SLC4A4: variants seen among roughly 807,000 people sequenced by gnomAD.
The protein encoded by SLC4A4 is electrogenic sodium bicarbonate cotransporter 1.
A neutral mutation model predicts 111.5 loss-of-function variants in SLC4A4; 27 were observed. That is an observed-to-expected ratio of 0.24 (90% CI 0.18 to 0.33). The LOEUF is 0.33. Ranked by LOEUF, SLC4A4 falls within the 10% of genes least tolerant of loss-of-function variation. The probability of loss-of-function intolerance (pLI) is 1.00; values close to 1 mark genes in which losing one functional copy is unlikely to be tolerated. For synonymous variants in SLC4A4, 443 were observed against 463.4 expected, an observed-to-expected ratio of 0.96 and a Z score of 0.57; for missense variants, 909 against 1,315.5, an observed-to-expected ratio of 0.69 and a Z score of 4.78.
At chr4:71,192,190 C>T (rs1336891875) in intron 1 of SLC4A4, among the ~76,000 whole-genome samples, 1 of 151,678 alleles carries the variant, frequency 6.6e-6, no homozygotes, top group African/African-American at 2.4e-5. Context: ...ATATGGACTT[C>T]TATGTTAGTT....
intron 19 of SLC4A4, 25 bp from the exon 20 acceptor site, chr4:71,547,623 T>C (rs1247989153): frequency 6.3e-7 from 1 of 1,586,550 alleles, no homozygotes; most frequent in Admixed American, 1.7e-5. Context: ...AGAGGTAGAT[T>C]GGTAATCTTT....
At chr4:71,386,227 T>C (rs754409288) in intron 6 of SLC4A4, among the ~76,000 whole-genome samples, 2 of 152,124 alleles carry the variant, frequency 1.3e-5, no homozygotes, top group African/African-American at 2.4e-5. Flanking sequence ...TGGATTTTTA[T>C]TTTCATCCTT....
chr4:71,176,667 T>A (rs1421528949), intron 2 of SLC4A4, among the ~76,000 whole-genome samples: 2 of 152,120 alleles, frequency 1.3e-5, no homozygotes, highest in South Asian at 4.2e-4. Context: ...CTCCAAGAAA[T>A]ATGGGACTAT....
intron 1 of SLC4A4, among the ~76,000 whole-genome samples, chr4:71,090,551 G>A (rs1437807193): frequency 6.6e-6 from 1 of 152,200 alleles, no homozygotes; most frequent in Non-Finnish European, 1.5e-5. Context: ...GGGAGTGAGA[G>A]GCTATCAGTT....
chr4:71,231,363 G>A (rs2149032297), intron 1 of SLC4A4, among the ~76,000 whole-genome samples: 1 of 152,320 alleles, frequency 6.6e-6, no homozygotes, highest in South Asian at 2.1e-4. Flanking sequence ...ATGGCTGACA[G>A]TTTTGCACAA....
intron 7 of SLC4A4, among the ~76,000 whole-genome samples, chr4:71,431,067 C>T (rs908892454): frequency 3.9e-5 from 6 of 152,062 alleles, no homozygotes; most frequent in African/African-American, 1.2e-4. Flanking sequence ...ATTTATTGAA[C>T]GTTTTTCCTC....
intron 2 of SLC4A4, among the ~76,000 whole-genome samples, chr4:71,108,743 C>T (rs1743010558): frequency 6.6e-6 from 1 of 152,106 alleles, no homozygotes; most frequent in Non-Finnish European, 1.5e-5. Flanking sequence ...CCCTTTCTCT[C>T]TCTCTCTTCT....
intron 7 of SLC4A4, among the ~76,000 whole-genome samples, chr4:71,421,419 C>G (rs1722488689): frequency 1.3e-5 from 2 of 152,188 alleles, no homozygotes; most frequent in South Asian, 4.1e-4. Context: ...CAACATTAGA[C>G]AGATCATCGA....
intron 7 of SLC4A4, chr4:71,437,800 C>A: frequency 3.7e-6 from 1 of 267,484 alleles, no homozygotes; most frequent in Non-Finnish European, 7.4e-6. Flanking sequence ...AGTGAAGGTC[C>A]AGCCGCCCCT....
chr4:71,363,661 G>T (rs1273401837), intron 6 of SLC4A4, among the ~76,000 whole-genome samples: 4 of 152,170 alleles, frequency 2.6e-5, no homozygotes, highest in African/African-American at 9.7e-5. Context: ...ATCACCTGAA[G>T]GTTAGAATCC....
At chr4:71,116,771 C>T (rs1378422301) in intron 2 of SLC4A4, among the ~76,000 whole-genome samples, 1 of 152,220 alleles carries the variant, frequency 6.6e-6, no homozygotes, top group East Asian at 1.9e-4. Flanking sequence ...TGGAGAAATC[C>T]TGTCTCTACA....
Position 71,396,080 on chromosome 4 carries a change from T to C in SLC4A4, c.731-1497T>C, listed in dbSNP as rs372004225. Among the ~76,000 whole-genome samples, 7 of 152,336 alleles carry C rather than the reference T, an allele frequency of 4.6e-5. No homozygotes were observed. In the East Asian group the frequency reaches 9.6e-4, roughly 21 times the overall value. On this transcript the variant is annotated intron_variant, in intron 6 of 25. Coordinates refer to ENST00000264485, the MANE Select transcript of SLC4A4 (RefSeq NM_001098484.3). Reference sequence around the variant, plus strand: ...TGTACCTAGTGTCTTTTGTATTGAGTGGACACTAGAAATCTAATACCTGGC... The same window carrying C: ...TGTACCTAGTGTCTTTTGTATTGAGCGGACACTAGAAATCTAATACCTGGC...
intron 2 of SLC4A4, among the ~76,000 whole-genome samples, chr4:71,102,396 G>A (rs1299781974): frequency 6.0e-5 from 9 of 150,312 alleles, no homozygotes; most frequent in Non-Finnish European, 1.2e-4. Context: ...GCAGGCCAAC[G>A]TTCAGATTCA....
intron 2 of SLC4A4, among the ~76,000 whole-genome samples, chr4:71,247,009 G>T (rs1016187072): frequency 4.6e-5 from 7 of 152,002 alleles, no homozygotes; most frequent in Non-Finnish European, 4.4e-5. Context: ...GGGTGCATGT[G>T]GAAAACCACA....
intron 6 of SLC4A4, among the ~76,000 whole-genome samples, chr4:71,380,069 G>A (rs1011552971): frequency 2.6e-5 from 4 of 152,166 alleles, no homozygotes; most frequent in African/African-American, 9.7e-5. Flanking sequence ...TTTCTAAATT[G>A]ATCAGATTTT....
chr4:71,385,711 T>C (rs1718651139), intron 6 of SLC4A4, among the ~76,000 whole-genome samples: 1 of 152,168 alleles, frequency 6.6e-6, no homozygotes, highest in South Asian at 2.1e-4. Context: ...TTGCCTATTG[T>C]TACTACATTC....
chr4:71,553,490 G>T (rs547643693), intron 20 of SLC4A4, among the ~76,000 whole-genome samples: 45 of 151,914 alleles, frequency 3.0e-4, no homozygotes, highest in African/African-American at 1.1e-3. Flanking sequence ...GCTTTACCCA[G>T]ATTAAAAAGG....
At chr4:71,318,815 A>G (rs1026292324) in intron 3 of SLC4A4, among the ~76,000 whole-genome samples, 4 of 151,302 alleles carry the variant, frequency 2.6e-5, no homozygotes, top group African/African-American at 9.7e-5. Context: ...GTTCTGAAAA[A>G]TTAAGTTTTT....
intron 3 of SLC4A4, among the ~76,000 whole-genome samples, chr4:71,258,445 C>T (rs993533029): frequency 6.6e-6 from 1 of 152,118 alleles, no homozygotes; most frequent in Non-Finnish European, 1.5e-5. Flanking sequence ...TTTTTGAGAG[C>T]TTACAGGTTT....
Sources: gnomAD v4.1 joint callset for allele counts (sites outside exome capture counted in the v4.1 genomes callset) on GRCh38, gnomAD v4.1.1 for gene constraint, MANE v1.5 for transcripts, NCBI Gene and HGNC (gene_info 2026-07-23, HGNC 2026-07-21) for gene names.